HSF5: variants seen among roughly 807,000 people sequenced by gnomAD.
HSF5 encodes the protein heat shock factor protein 5.
In HSF5, 5 loss-of-function variants were observed where a neutral mutation model predicts 50.8. That is an observed-to-expected ratio of 0.10 (90% CI 0.05 to 0.21). The LOEUF (loss-of-function observed/expected upper bound fraction) is 0.21. HSF5 is among the 10% of genes least tolerant of loss of function. HSF5 has a pLI of 1.00. For synonymous variants in HSF5, 307 were observed against 307.4 expected (o/e 1.00, Z 0.02); for missense variants, 564 against 762.6 (o/e 0.74, Z 3.07).
intron 1 of HSF5, among the ~76,000 whole-genome samples, chr17:58,482,514 G>T (rs1401603372): frequency 6.6e-6 from 1 of 151,748 alleles, no homozygotes; most frequent in Non-Finnish European, 1.5e-5. Context: ...TTCAAGACCA[G>T]CCTGACTAAC....
intron 5 of HSF5, among the ~76,000 whole-genome samples, chr17:58,446,094 G>A (rs575274910): frequency 2.5e-4 from 35 of 142,472 alleles, no homozygotes; most frequent in Admixed American, 1.8e-3. Context: ...CCAAAATCGC[G>A]CCACTGCACT....
At chr17:58,479,564 AAGTGCTGGGATTAC>A in intron 2 of HSF5, among the ~76,000 whole-genome samples, 1 of 152,210 alleles carries the variant, frequency 6.6e-6, no homozygotes, top group African/African-American at 2.4e-5. Context: ...CAGCCTCCCA[AAGTGCTGGGATTAC>A]AGGTGTGGGC....
chr17:58,441,324 G>C (rs1194175698), intron 5 of HSF5, among the ~76,000 whole-genome samples: 1 of 152,140 alleles, frequency 6.6e-6, no homozygotes, highest in Non-Finnish European at 1.5e-5. Flanking sequence ...TTAACTGAGT[G>C]ATAATGGAAA....
chr17:58,457,480 T>G (rs1279215736), intron 5 of HSF5, among the ~76,000 whole-genome samples: 1 of 151,610 alleles, frequency 6.6e-6, no homozygotes, highest in Non-Finnish European at 1.5e-5. Context: ...GCACCTGTAG[T>G]CCCAGCTACT....
At chr17:58,442,912 A>AC (rs1974516817) in intron 5 of HSF5, among the ~76,000 whole-genome samples, 1 of 137,164 alleles carries the variant, frequency 7.3e-6, no homozygotes, top group Non-Finnish European at 1.6e-5. Flanking sequence ...TAATTTTTGC[A>AC]TTTTTTTTTT....
chr17:58,474,868 A>G (rs1243079860), intron 2 of HSF5, among the ~76,000 whole-genome samples: 2 of 152,190 alleles, frequency 1.3e-5, no homozygotes, highest in Admixed American at 6.5e-5. Context: ...GGTGTAAGCC[A>G]CTATACCTGG....
intron 5 of HSF5, among the ~76,000 whole-genome samples, chr17:58,424,667 C>A (rs532868791): frequency 6.2e-4 from 93 of 150,572 alleles, no homozygotes; most frequent in African/African-American, 2.2e-3. Context: ...ATGCCTGTAG[C>A]CCCAGCTACT....
At chr17:58,423,329 T>A (rs1422777027) in intron 5 of HSF5, among the ~76,000 whole-genome samples, 2 of 151,972 alleles carry the variant, frequency 1.3e-5, no homozygotes, top group Non-Finnish European at 2.9e-5. Flanking sequence ...GCAAATTAGG[T>A]ACTAGGTTCT....
intron 5 of HSF5, among the ~76,000 whole-genome samples, chr17:58,444,546 A>G (rs370769424): frequency 6.6e-6 from 1 of 152,218 alleles, no homozygotes; most frequent in East Asian, 1.9e-4. Context: ...CGCTTACACC[A>G]TATATGAAAA....
chr17:58,460,317 C>T (rs1974773588), intron 4 of HSF5, among the ~76,000 whole-genome samples: 1 of 152,136 alleles, frequency 6.6e-6, no homozygotes, highest in Non-Finnish European at 1.5e-5. Context: ...CTATGCCTAG[C>T]CTAAGTTTCT....
intron 2 of HSF5, among the ~76,000 whole-genome samples, chr17:58,474,107 A>C (rs1974982110): frequency 6.6e-6 from 1 of 152,018 alleles, no homozygotes; most frequent in Non-Finnish European, 1.5e-5. Flanking sequence ...TGAGAATGAT[A>C]CTCTATTTAA....
At chr17:58,461,729 G>T (rs1371762668) in intron 4 of HSF5, among the ~76,000 whole-genome samples, 1 of 152,058 alleles carries the variant, frequency 6.6e-6, no homozygotes, top group Non-Finnish European at 1.5e-5. Context: ...AAAATTAGCT[G>T]GACATGGTGG....
chr17:58,449,219 GAAGA>G (rs1446780503), intron 5 of HSF5, among the ~76,000 whole-genome samples: 2 of 152,120 alleles, frequency 1.3e-5, no homozygotes, highest in Non-Finnish European at 2.9e-5. Context: ...AGTAAGAAAG[GAAGA>G]AAGGAGTTAC....
intron 5 of HSF5, among the ~76,000 whole-genome samples, chr17:58,447,795 C>A (rs1974580597): frequency 6.6e-6 from 1 of 152,184 alleles, no homozygotes; most frequent in East Asian, 1.9e-4. Flanking sequence ...GGCCAGACTG[C>A]AAAGACTAGA....
chr17:58,474,903 A>G (rs189633982), intron 2 of HSF5, among the ~76,000 whole-genome samples: 26 of 152,172 alleles, frequency 1.7e-4, no homozygotes, highest in Non-Finnish European at 2.9e-4. Flanking sequence ...AAGATTGTGC[A>G]TATATTTTGG....
chr17:58,433,921 T>TTTTTTTTG (rs1974394219), intron 5 of HSF5, among the ~76,000 whole-genome samples: 1 of 145,644 alleles, frequency 6.9e-6, no homozygotes, highest in Non-Finnish European at 1.5e-5. Flanking sequence ...ATTTTTTTTT[T>TTTTTTTTG]TTTTTTTTTT....
At chr17:58,468,200 C>A (rs1249711001) in intron 2 of HSF5, among the ~76,000 whole-genome samples, 2 of 152,078 alleles carry the variant, frequency 1.3e-5, no homozygotes, top group Admixed American at 6.6e-5. Flanking sequence ...GAGTTTGAGA[C>A]CAGCCTAGGC....
intron 1 of HSF5, among the ~76,000 whole-genome samples, chr17:58,481,771 AG>A: frequency 6.6e-6 from 1 of 152,290 alleles, no homozygotes; most frequent in South Asian, 2.1e-4. Flanking sequence ...AGGCCAAGGC[AG>A]GCAGATCACT....
At chr17:58,444,564 A>C (rs1974534557) in intron 5 of HSF5, among the ~76,000 whole-genome samples, 1 of 152,214 alleles carries the variant, frequency 6.6e-6, no homozygotes, top group African/African-American at 2.4e-5. Context: ...AAACTAACTC[A>C]AACTAACTAA....
Sources: allele counts gnomAD v4.1 joint callset (sites outside exome capture counted in the v4.1 genomes callset), GRCh38; gene constraint gnomAD v4.1.1; transcripts MANE v1.5; gene names NCBI Gene and HGNC (gene_info 2026-07-23, HGNC 2026-07-21).